Variants in WWC1 observed in about 807,000 individuals in gnomAD.
WWC1 encodes WW and C2 domain containing 1.
A neutral mutation model predicts 138.4 loss-of-function variants in WWC1; 55 were observed. That is an observed-to-expected ratio of 0.40 (90% CI 0.32 to 0.50). WWC1 has a LOEUF of 0.50. WWC1 is among the 20% of genes least tolerant of loss of function. The pLI is 0.72. For missense variants in WWC1, 1,226 were observed against 1,420.4 expected, an observed-to-expected ratio of 0.86 and a Z score of 2.20; for synonymous variants, 524 against 564.9, an observed-to-expected ratio of 0.93 and a Z score of 1.03.
intron 1 of WWC1, among the ~76,000 whole-genome samples, chr5:168,302,305 G>C (rs1389571945): frequency 2.0e-5 from 3 of 152,214 alleles, no homozygotes; most frequent in Admixed American, 6.5e-5. Flanking sequence ...CACTCAGCAG[G>C]TATTTATGGA....
Position 168,467,800 on chromosome 5 carries a change from G to T in WWC1, c.3151-40G>T, listed in dbSNP as rs753343494. 1.2e-5 allele frequency: 20 copies of T among 1,612,830 alleles called. No individual in the cohort carries two copies. The East Asian group carries it at 4.5e-4, about 36-fold the overall frequency. The stretch of plus-strand genomic sequence containing the variant: ...GAGTTCTCCTTGCCCCTTTCTGGAG[G>T]CCCCCTCCACTGACTCAGGGCCTTG... On this transcript the variant is annotated intron_variant, in intron 21 of 22. Coordinates refer to ENST00000265293, the MANE Select transcript of WWC1 (RefSeq NM_015238.3).
At chr5:168,417,400 T>C (rs1264052032) in intron 9 of WWC1, among the ~76,000 whole-genome samples, 6 of 152,116 alleles carry the variant, frequency 3.9e-5, no homozygotes, top group African/African-American at 1.4e-4. Context: ...CCCTAGGATA[T>C]ACCACATGTA....
intron 1 of WWC1, among the ~76,000 whole-genome samples, chr5:168,355,851 G>A (rs373592115): frequency 1.3e-5 from 2 of 151,962 alleles, no homozygotes; most frequent in African/African-American, 4.8e-5. Context: ...TAAACAGCTG[G>A]AGAAGTGAGG....
intron 1 of WWC1, among the ~76,000 whole-genome samples, chr5:168,308,075 G>A: frequency 6.6e-6 from 1 of 152,174 alleles, no homozygotes; most frequent in African/African-American, 2.4e-5. Context: ...ACATCCTTCA[G>A]AAAGAATGTG....
At chr5:168,305,837 G>A (rs1770510139) in intron 1 of WWC1, among the ~76,000 whole-genome samples, 1 of 152,148 alleles carries the variant, frequency 6.6e-6, no homozygotes, top group African/African-American at 2.4e-5. Context: ...TTGGTCTGTG[G>A]TATGGCCTGA....
intron 7 of WWC1, among the ~76,000 whole-genome samples, chr5:168,409,582 G>A (rs1780068131): frequency 6.6e-6 from 1 of 152,104 alleles, no homozygotes. Context: ...TCTTGATATT[G>A]GCTATCCCTG....
rs1554108971 is a variant in WWC1 at position 168,423,161 on chromosome 5, A to AAACAAAC, written c.1275-370_1275-369insCAAACAA. ...CTCCATCCCCCCCCAAAAAAAAAAA[A>AAACAAAC]AAAAAAAAAAACACAGTGAGTTGAT... On this transcript the variant is annotated intron_variant, in intron 10 of 22. Coordinates refer to ENST00000265293, the MANE Select transcript of WWC1 (RefSeq NM_015238.3). Among the ~76,000 whole-genome samples, 642 of 140,184 alleles carry AAACAAAC rather than the reference A, an allele frequency of 4.6e-3. 12 individuals are homozygous for AAACAAAC. The highest frequency in any genetic ancestry group is 0.016 in the African/African-American group (605 of 37,916). The allele number at this position is 140,184 out of a possible 152,430, so 92.0% of individuals were successfully genotyped here. A position where few individuals can be genotyped will look rare whatever the true frequency, so the allele number is the denominator to read the frequency against.
At chr5:168,437,456 G>T (rs1018350836) in intron 15 of WWC1, among the ~76,000 whole-genome samples, 1 of 152,140 alleles carries the variant, frequency 6.6e-6, no homozygotes, top group Non-Finnish European at 1.5e-5. Flanking sequence ...ACTTTTAAAT[G>T]ATGGCATCTT....
intron 1 of WWC1, among the ~76,000 whole-genome samples, chr5:168,335,514 A>G (rs1452115454): frequency 1.3e-5 from 2 of 152,244 alleles, no homozygotes; most frequent in African/African-American, 4.8e-5. Flanking sequence ...CACTTTGTGT[A>G]TCTCATTTGA....
chr5:168,415,798 T>TGTGTGGG (rs1354077983), intron 9 of WWC1: 1 of 6,354 alleles, frequency 1.6e-4, no homozygotes, highest in Non-Finnish European at 3.2e-4. Flanking sequence ...TGTGTGTGTG[T>TGTGTGGG]GGGGGGGGGG....
intron 1 of WWC1, among the ~76,000 whole-genome samples, chr5:168,364,347 A>G (rs1776119556): frequency 6.6e-6 from 1 of 151,848 alleles, no homozygotes; most frequent in African/African-American, 2.4e-5. Flanking sequence ...CCATTGCTGC[A>G]TTCTCTCCCT....
In WWC1 at chr5:168,357,481, T is replaced by C. The variant is rs377189617; in HGVS notation, c.120-13943T>C. 6.8e-4 allele frequency among the ~76,000 whole-genome samples: 54 copies of C among 79,920 alleles called. 2 individuals carry two copies. The South Asian group carries it at 0.024, about 35-fold the overall frequency. 52.4% of individuals were successfully genotyped at this position (79,920 alleles called of 152,430 possible). A position where few individuals can be genotyped will look rare whatever the true frequency, so the allele number is the denominator to read the frequency against. ...GTGTGTGTGTGTGTGTGTGTGTGTGTGTGTGTGTGTGTGCGCGCGCGCACG... is the reference window on the plus strand; with the variant it reads ...GTGTGTGTGTGTGTGTGTGTGTGTGCGTGTGTGTGTGTGCGCGCGCGCACG... On this transcript the variant is annotated intron_variant, in intron 1 of 22. Coordinates refer to ENST00000265293, the MANE Select transcript of WWC1 (RefSeq NM_015238.3).
intron 1 of WWC1, among the ~76,000 whole-genome samples, chr5:168,350,919 G>A (rs1774897789): frequency 6.6e-6 from 1 of 152,162 alleles, no homozygotes; most frequent in South Asian, 2.1e-4. Flanking sequence ...GCCGAGGCGG[G>A]CGGATCATTT....
intron 1 of WWC1, among the ~76,000 whole-genome samples, chr5:168,344,905 C>T (rs528856276): frequency 1.3e-5 from 2 of 152,014 alleles, no homozygotes; most frequent in South Asian, 4.2e-4. Flanking sequence ...GCAACCATGC[C>T]CCAGTTCTTA....
chr5:168,336,683 C>G (rs1773497523), intron 1 of WWC1, among the ~76,000 whole-genome samples: 1 of 151,610 alleles, frequency 6.6e-6, no homozygotes, highest in African/African-American at 2.4e-5. Flanking sequence ...ATGTTTAACA[C>G]TGACTCCACC....
chr5:168,380,142 C>T (rs1023856355), intron 2 of WWC1, among the ~76,000 whole-genome samples: 1 of 152,138 alleles, frequency 6.6e-6, no homozygotes, highest in Non-Finnish European at 1.5e-5. Flanking sequence ...TAAAGACGTC[C>T]TACAACTTAA....
intron 1 of WWC1, among the ~76,000 whole-genome samples, chr5:168,348,116 T>A (rs1774628606): frequency 6.6e-6 from 1 of 152,214 alleles, no homozygotes; most frequent in South Asian, 2.1e-4. Flanking sequence ...TGGGTGTTAC[T>A]GGCAGCCCCA....
chr5:168,358,414 A>G (rs559352937), intron 1 of WWC1, among the ~76,000 whole-genome samples: 2 of 152,224 alleles, frequency 1.3e-5, no homozygotes, highest in Non-Finnish European at 2.9e-5. Flanking sequence ...TCCTTGGGAC[A>G]CAGTCATGGA....
At chr5:168,421,496 T>A (rs1374632146) in intron 9 of WWC1, among the ~76,000 whole-genome samples, 2 of 152,168 alleles carry the variant, frequency 1.3e-5, no homozygotes, top group Non-Finnish European at 2.9e-5. Context: ...TTCTCCCCAG[T>A]AGAATGTAAG....
Sources: allele counts gnomAD v4.1 joint callset (sites outside exome capture counted in the v4.1 genomes callset), GRCh38; gene constraint gnomAD v4.1.1; transcripts MANE v1.5; gene names NCBI Gene and HGNC (gene_info 2026-07-23, HGNC 2026-07-21).